Variants in THAP2 observed in about 807,000 individuals in gnomAD.
THAP2 encodes the protein THAP domain-containing protein 2.
In THAP2, 16 loss-of-function variants were observed where a neutral mutation model predicts 18.8. The observed-to-expected ratio is 0.85, with a 90% confidence interval of 0.58 to 1.29. The LOEUF is 1.29. THAP2 is among the 50% of genes most tolerant of loss of function. THAP2 has a pLI of 0.00. For missense variants in THAP2, 251 were observed against 265.3 expected (o/e 0.95, Z 0.38); for synonymous variants, 80 against 89.2 (o/e 0.90, Z 0.58).
intron 2 of THAP2, among the ~76,000 whole-genome samples, chr12:71,675,717 T>C (rs1438016803): frequency 3.3e-5 from 5 of 152,126 alleles, no homozygotes; most frequent in South Asian, 4.1e-4. Context: ...ATTGCTGGAG[T>C]ATAAATCAAG....
chr12:71,672,109 A>G (rs1214393507), intron 1 of THAP2, among the ~76,000 whole-genome samples: 2 of 152,202 alleles, frequency 1.3e-5, no homozygotes, highest in Non-Finnish European at 2.9e-5. Flanking sequence ...GTGTTAGCCT[A>G]TCCCTTCTTG....
chr12:71,669,611 T>C (rs1881399202), intron 1 of THAP2, among the ~76,000 whole-genome samples: 1 of 152,116 alleles, frequency 6.6e-6, no homozygotes, highest in Admixed American at 6.6e-5. Flanking sequence ...ATCTTTGAAA[T>C]GAGACTAGAT....
chr12:71,675,319 A>T (rs1378446655), intron 2 of THAP2, among the ~76,000 whole-genome samples: 1 of 152,134 alleles, frequency 6.6e-6, no homozygotes, highest in Non-Finnish European at 1.5e-5. Context: ...CTCCAGGAGG[A>T]CAAGAACTTA....
intron 1 of THAP2, 23 bp downstream of exon 1, chr12:71,664,603 G>GTC: frequency 6.2e-7 from 1 of 1,613,898 alleles, no homozygotes; most frequent in Non-Finnish European, 8.5e-7. Context: ...GGGAGTGGGG[G>GTC]TGACGGAAAC....
At chr12:71,673,013 C>T (rs910161315) in intron 1 of THAP2, among the ~76,000 whole-genome samples, 4 of 152,076 alleles carry the variant, frequency 2.6e-5, no homozygotes, top group Non-Finnish European at 1.5e-5. Flanking sequence ...TAGAAGATGG[C>T]TATGAAATTA....
rs1881549345 is a variant in THAP2 at position 71,678,165 on chromosome 12, C to G, written c.*1057C>G. 1.3e-5 allele frequency: 2 copies of G among 152,174 alleles called. No homozygotes were observed. The highest frequency in any genetic ancestry group is 2.1e-4 in the South Asian group (1 of 4,828). 9.4% of individuals were successfully genotyped at this position (152,174 alleles called of 1,614,324 possible). A position where few individuals can be genotyped will look rare whatever the true frequency, so the allele number is the denominator to read the frequency against. ...TTAGTGAGTGAAATAGAGCAACTAGCATGCCTGTGTTCCCAGCTACTTGGG... is the reference window on the plus strand; with the variant it reads ...TTAGTGAGTGAAATAGAGCAACTAGGATGCCTGTGTTCCCAGCTACTTGGG... On this transcript the variant is annotated 3_prime_UTR_variant, in exon 3 of 3. Coordinates refer to ENST00000308086, the MANE Select transcript of THAP2 (RefSeq NM_031435.4).
chr12:71,673,324 C>A (rs1295952511), intron 1 of THAP2, among the ~76,000 whole-genome samples: 2 of 151,816 alleles, frequency 1.3e-5, no homozygotes, highest in African/African-American at 4.8e-5. Flanking sequence ...GGTTTGTCTG[C>A]AAGTTTTTTC....
At chr12:71,674,519 T>C in intron 2 of THAP2, 121 bp downstream of exon 2, 1 of 816,280 alleles carries the variant, frequency 1.2e-6, no homozygotes, top group Non-Finnish European at 1.8e-6. Flanking sequence ...CAGACCTTCC[T>C]CTTGTACAGT....
chr12:71,672,193 C>CT (rs1881452905), intron 1 of THAP2, among the ~76,000 whole-genome samples: 1 of 152,132 alleles, frequency 6.6e-6, no homozygotes, highest in Admixed American at 6.5e-5. Context: ...AGAAAGGGCA[C>CT]TTTTGCCTGC....
In THAP2 at chr12:71,664,538, GT is replaced by G; in HGVS notation, c.30del (p.Cys10TrpfsTer55). MPTNCAAAG[C>X]ATTYNKHINI... Reference sequence around the variant, plus strand: ...CCGACCAATTGCGCTGCGGCGGGCTGTGCCACTACCTACAACAAGCACATTA... The same window carrying G: ...CCGACCAATTGCGCTGCGGCGGGCTGGCCACTACCTACAACAAGCACATTA... On this transcript the variant is annotated frameshift_variant, in exon 1 of 3. Transcript: ENST00000308086. LOFTEE classifies it high-confidence loss of function. 6.2e-7 allele frequency: 1 copy of G among 1,614,196 alleles called. No homozygotes were observed. Among genetic ancestry groups the G allele is most frequent in the Non-Finnish European group, 8.5e-7 (1 of 1,180,034 alleles).
At chr12:71,673,182 AG>A (rs1881469847) in intron 1 of THAP2, among the ~76,000 whole-genome samples, 1 of 152,164 alleles carries the variant, frequency 6.6e-6, no homozygotes, top group African/African-American at 2.4e-5. Flanking sequence ...ATTTCATGGT[AG>A]TAAATGACAA....
Position 71,679,033 on chromosome 12 carries a change from A to T in THAP2, c.*1925A>T, listed in dbSNP as rs1040489509. ...TAACTCAAAATAAGTTGGACAAATA[A>T]TCATTTTAATAAAAACTATTTTTTC... On this transcript the variant is annotated 3_prime_UTR_variant, in exon 3 of 3. Transcript: ENST00000308086. The T allele has an allele frequency of 2.6e-5, 4 of 152,164 alleles. No individual in the cohort carries two copies. The highest frequency in any genetic ancestry group is 9.6e-5 in the African/African-American group (4 of 41,466). 9.4% of individuals were successfully genotyped at this position (152,164 alleles called of 1,614,324 possible).
intron 1 of THAP2, chr12:71,664,856 ATTCCTCT>A: frequency 1.4e-6 from 1 of 702,826 alleles, no homozygotes. Context: ...CTACTGTTTT[ATTCCTCT>A]GTTAGACCGG....
At chr12:71,666,386 G>T (rs1414704194) in intron 1 of THAP2, among the ~76,000 whole-genome samples, 1 of 152,116 alleles carries the variant, frequency 6.6e-6, no homozygotes, top group African/African-American at 2.4e-5. Context: ...GGTGACGCAT[G>T]CCTGTAGTCC....
At chr12:71,669,508 A>G (rs967076753) in intron 1 of THAP2, among the ~76,000 whole-genome samples, 4 of 152,214 alleles carry the variant, frequency 2.6e-5, no homozygotes, top group Admixed American at 6.5e-5. Flanking sequence ...CTGAGTCTCT[A>G]TTGAGGCCCT....
intron 1 of THAP2, among the ~76,000 whole-genome samples, chr12:71,672,933 TAGAC>T (rs1358508049): frequency 6.6e-6 from 1 of 152,114 alleles, no homozygotes; most frequent in African/African-American, 2.4e-5. Context: ...ACGAATTGCT[TAGAC>T]AGAGATAATT....
rs756047701 is a variant in THAP2 at position 71,676,839 on chromosome 12, A to C, written c.418A>C (p.Lys140Gln). ...TATGGAGGCAAAAAAGAGGATCATT[A>C]AACTGGAAAAAGAAATAGCAAGCTT... ...NPMEAKKRII[K>Q]LEKEIASLRR... The change falls in exon 3 of 3, where the codon AAA becomes CAA. Residue 140 changes from lysine (K) to glutamine (Q), a missense_variant. Transcript: ENST00000308086. 2 of 1,613,686 alleles carry C rather than the reference A, an allele frequency of 1.2e-6. No individual in the cohort carries two copies. Among genetic ancestry groups the C allele is most frequent in the South Asian group, 2.2e-5 (2 of 91,064 alleles).
chr12:71,664,569 C>G lies in THAP2; in HGVS notation c.60C>G (p.Ile20Met). 1 of 1,614,178 alleles carries G rather than the reference C, an allele frequency of 6.2e-7. No homozygotes were observed. The highest frequency in any genetic ancestry group is 8.5e-7 in the Non-Finnish European group (1 of 1,180,010). The change falls in exon 1 of 3, where the codon ATC becomes ATG. Residue 20 changes from isoleucine to methionine, a missense_variant. Ile to Met is a conservative substitution (Grantham distance 10). Coordinates refer to ENST00000308086, the MANE Select transcript of THAP2 (RefSeq NM_031435.4). ...CTACCTACAACAAGCACATTAACAT[C>G]AGCTTCCACAGGTAACCTGGGCAGG... Reference protein sequence around the residue: ...CATTYNKHINISFHRFPLDPK... With the variant: ...CATTYNKHINMSFHRFPLDPK...
rs1460829532 is a variant in THAP2, at chr12:71,664,488, GCT to G, written c.-21_-20del. The G allele has an allele frequency of 1.3e-5, 21 of 1,614,110 alleles. No individual in the cohort carries two copies. The highest frequency in any genetic ancestry group is 1.6e-5 in the Non-Finnish European group (19 of 1,180,004). ...AGCGCCTCAGTAGAGACCTAAGGGC[GCT>G]GAATGAGTGGGAAAGGGAAATGCCG... On this transcript the variant is annotated 5_prime_UTR_variant, in exon 1 of 3. Transcript: ENST00000308086.
Sources: gnomAD v4.1 joint callset for allele counts (sites outside exome capture counted in the v4.1 genomes callset) on GRCh38, gnomAD v4.1.1 for gene constraint, MANE v1.5 for transcripts, NCBI Gene and HGNC (gene_info 2026-07-23, HGNC 2026-07-21) for gene names.